B4GALNT3: variants seen among roughly 807,000 people sequenced by gnomAD.
The protein encoded by B4GALNT3 is beta-1,4-N-acetyl-galactosaminyltransferase 3.
In B4GALNT3, 86 loss-of-function variants were observed where a neutral mutation model predicts 120.2. The ratio of observed to expected loss-of-function variants is 0.72; its 90% CI spans 0.60 to 0.86. The LOEUF is 0.86. Among genes scored for constraint, B4GALNT3 ranks in the 40% least tolerant of loss-of-function variants. The probability of loss-of-function intolerance (pLI) is 0.00; values close to 1 mark genes in which losing one functional copy is unlikely to be tolerated. For synonymous variants in B4GALNT3, 518 were observed against 510.4 expected (o/e 1.01, Z -0.20); for missense variants, 1,167 against 1,298.9 (o/e 0.90, Z 1.56).
chr12:554,114 C>G, intron 14 of B4GALNT3, 131 bp downstream of exon 14: 1 of 664,032 alleles, frequency 1.5e-6, no homozygotes, highest in Non-Finnish European at 2.5e-6. Context: ...GCCCCCGACT[C>G]AGGCTCCTGG....
At position 552,166 on chromosome 12, in the gene B4GALNT3, G is replaced by A. The variant is rs761652097; in HGVS notation, c.1208+3G>A. ...GAAAACGCCTACTACCAAGACCGGT[G>A]AGAGACACTGAGTGGGGCAGGAAGG... On this transcript the variant is annotated splice_donor_region_variant and intron_variant, in intron 12 of 19. Coordinates refer to ENST00000266383, the MANE Select transcript of B4GALNT3 (RefSeq NM_173593.4). 6.3e-6 allele frequency: 10 copies of A among 1,593,962 alleles called. No homozygotes were observed. Among genetic ancestry groups the A allele is most frequent in the Middle Eastern group, 1.7e-4 (1 of 6,034 alleles).
At position 554,682 on chromosome 12, in the gene B4GALNT3, C is replaced by T. The variant is rs999591366; in HGVS notation, c.2060+699C>T. Among the ~76,000 whole-genome samples, 36 of 138,938 alleles carry T rather than the reference C, an allele frequency of 2.6e-4. 1 individual carries two copies. The highest frequency in any genetic ancestry group is 7.8e-4 in the African/African-American group (29 of 37,284). 91.1% of individuals were successfully genotyped at this position (138,938 alleles called of 152,430 possible). On this transcript the variant is annotated intron_variant, in intron 14 of 19. Transcript: ENST00000266383. Reference sequence around the variant, plus strand: ...GCGGGCGCCTGTAGTCCCAGCTACTCGGGAGGCTGAGGCAGGAGAATGGCG... The same window carrying T: ...GCGGGCGCCTGTAGTCCCAGCTACTTGGGAGGCTGAGGCAGGAGAATGGCG...
chr12:492,183 A>G (rs914675914), intron 1 of B4GALNT3, among the ~76,000 whole-genome samples: 16 of 152,218 alleles, frequency 1.1e-4, no homozygotes, highest in Admixed American at 8.5e-4. Flanking sequence ...GAAGGAAGAA[A>G]TAAAACTGTT....
intron 1 of B4GALNT3, among the ~76,000 whole-genome samples, chr12:504,462 C>G (rs555933032): frequency 6.6e-6 from 1 of 151,648 alleles, no homozygotes; most frequent in Non-Finnish European, 1.5e-5. Context: ...CCCCCGCCCC[C>G]GAACTCTTTT....
intron 1 of B4GALNT3, among the ~76,000 whole-genome samples, chr12:519,746 G>A (rs1039403882): frequency 1.3e-5 from 2 of 152,044 alleles, no homozygotes; most frequent in Non-Finnish European, 2.9e-5. Context: ...TCTTTCAGCC[G>A]AATCAGGGAC....
chr12:505,686 G>C (rs926800045), intron 1 of B4GALNT3, among the ~76,000 whole-genome samples: 1 of 152,152 alleles, frequency 6.6e-6, no homozygotes, highest in African/African-American at 2.4e-5. Context: ...CATTGTCATG[G>C]GGGAGAGTGT....
At chr12:558,233 G>T in intron 17 of B4GALNT3, 145 bp downstream of exon 17, 1 of 936,598 alleles carries the variant, frequency 1.1e-6, no homozygotes, top group Non-Finnish European at 1.6e-6. Context: ...CTGCAGGCCA[G>T]TGCTAGGGTG....
chr12:512,293 TCTTCCACCTTCCACCTTCTTCCAC>T, intron 1 of B4GALNT3, among the ~76,000 whole-genome samples: 2 of 66,202 alleles, frequency 3.0e-5, no homozygotes, highest in Non-Finnish European at 4.9e-5. Flanking sequence ...CCTTCCACCT[TCTTCCACCTTCCACCTTCTTCCAC>T]CTTCCACCTT....
intron 19 of B4GALNT3, among the ~76,000 whole-genome samples, chr12:560,637 A>G (rs376351662): frequency 2.0e-5 from 3 of 152,298 alleles, no homozygotes; most frequent in East Asian, 3.9e-4. Flanking sequence ...AGGGTCTGAG[A>G]TCAAAGGAGC....
chr12:463,507 G>C (rs893175431), intron 1 of B4GALNT3, among the ~76,000 whole-genome samples: 1 of 152,180 alleles, frequency 6.6e-6, no homozygotes. Context: ...GTGCCAGGCC[G>C]TGTAGGTGTG....
intron 1 of B4GALNT3, among the ~76,000 whole-genome samples, chr12:472,784 A>G (rs112811285): frequency 0.016 from 2,437 of 152,038 alleles, 58 homozygotes; most frequent in African/African-American, 0.055. Flanking sequence ...GAGTCTCACT[A>G]TGTTGCCTAG....
intron 3 of B4GALNT3, among the ~76,000 whole-genome samples, chr12:538,528 C>T (rs1218478589): frequency 1.5e-5 from 2 of 133,088 alleles, no homozygotes; most frequent in Non-Finnish European, 3.1e-5. Flanking sequence ...CACTGCACTC[C>T]AGCCTGAGTG....
In B4GALNT3 at chr12:478,630, C is replaced by T. The variant is rs575243068; in HGVS notation, c.169+18085C>T. Among the ~76,000 whole-genome samples, 19 of 152,202 alleles carry T rather than the reference C, an allele frequency of 1.2e-4. No individual in the cohort carries two copies. The East Asian group carries it at 3.5e-3, about 28-fold the overall frequency. On this transcript the variant is annotated intron_variant, in intron 1 of 19. Transcript: ENST00000266383. ...ATGATTCTTCTAGCAGCTTTTTCAACAGGAAAAAAAATCCTTAAGAAAGGG... is the reference window on the plus strand; with the variant it reads ...ATGATTCTTCTAGCAGCTTTTTCAATAGGAAAAAAAATCCTTAAGAAAGGG...
At chr12:508,108 G>A (rs1056763739) in intron 1 of B4GALNT3, among the ~76,000 whole-genome samples, 1 of 152,258 alleles carries the variant, frequency 6.6e-6, no homozygotes, top group African/African-American at 2.4e-5. Flanking sequence ...CCCACAGCCA[G>A]TGGAGACAGA....
At chr12:498,717 T>C (rs1291288844) in intron 1 of B4GALNT3, among the ~76,000 whole-genome samples, 1 of 152,238 alleles carries the variant, frequency 6.6e-6, no homozygotes, top group Non-Finnish European at 1.5e-5. Context: ...TGGAGGAATT[T>C]ACCTTTGATA....
intron 18 of B4GALNT3, 42 bp downstream of exon 18, chr12:558,703 G>C (rs1246579629): frequency 2.5e-6 from 4 of 1,600,322 alleles, no homozygotes; most frequent in Non-Finnish European, 3.4e-6. Flanking sequence ...AGACTTCTCT[G>C]ATCTTGGCTC....
intron 12 of B4GALNT3, 23 bp from the exon 13 acceptor site, chr12:552,444 G>C: frequency 6.2e-7 from 1 of 1,611,594 alleles, no homozygotes; most frequent in Non-Finnish European, 8.5e-7. Context: ...GGGTGCCAAT[G>C]CACACCTCCC....
intron 1 of B4GALNT3, among the ~76,000 whole-genome samples, chr12:503,977 T>G (rs886972937): frequency 1.3e-5 from 2 of 151,968 alleles, no homozygotes; most frequent in Non-Finnish European, 2.9e-5. Flanking sequence ...TAGCTGGGTG[T>G]GGTGGCACGC....
intron 1 of B4GALNT3, among the ~76,000 whole-genome samples, chr12:502,632 A>C (rs1160248896): frequency 6.6e-6 from 1 of 152,234 alleles, no homozygotes; most frequent in African/African-American, 2.4e-5. Context: ...AAGGGAAGTT[A>C]AAATCTGGAA....
Sources: allele counts gnomAD v4.1 joint callset (sites outside exome capture counted in the v4.1 genomes callset), GRCh38; gene constraint gnomAD v4.1.1; transcripts MANE v1.5; gene names NCBI Gene and HGNC (gene_info 2026-07-23, HGNC 2026-07-21).